Variants in THSD7B observed in about 807,000 individuals in gnomAD.
The protein encoded by THSD7B is thrombospondin type 1 domain containing 7B, also known as thrombospondin type-1 domain-containing protein 7B.
In THSD7B, 138 loss-of-function variants were observed where a neutral mutation model predicts 213.6. The observed-to-expected ratio is 0.65, with a 90% CI of 0.56 to 0.74. The LOEUF is 0.74. Ranked by LOEUF, THSD7B falls within the 30% of genes least tolerant of loss-of-function variation. The pLI is 0.00. For missense variants in THSD7B, 1,931 were observed against 1,991.5 expected (o/e 0.97, Z 0.58); for synonymous variants, 742 against 687.0 (o/e 1.08, Z -1.25).
intron 2 of THSD7B, among the ~76,000 whole-genome samples, chr2:136,955,949 C>T (rs1443103419): frequency 1.3e-5 from 2 of 151,228 alleles, no homozygotes; most frequent in Non-Finnish European, 2.9e-5. Flanking sequence ...TGAGCCACCA[C>T]GCCCGGGAGG....
chr2:137,485,483 T>G (rs535348204), intron 15 of THSD7B, among the ~76,000 whole-genome samples: 23 of 152,300 alleles, frequency 1.5e-4, no homozygotes, highest in Middle Eastern at 3.4e-3. Context: ...TCTTTTGACT[T>G]AGGATTGACT....
intron 2 of THSD7B, among the ~76,000 whole-genome samples, chr2:137,024,191 T>C (rs1300075286): frequency 2.6e-5 from 4 of 152,188 alleles, no homozygotes; most frequent in African/African-American, 7.2e-5. Flanking sequence ...GTAACATTCC[T>C]GGACGCGATC....
chr2:137,361,302 T>A (rs554388511), intron 12 of THSD7B, among the ~76,000 whole-genome samples: 152 of 152,308 alleles, frequency 1.0e-3, no homozygotes, highest in African/African-American at 3.2e-3. Context: ...CTGAAAGTTC[T>A]AAAAACCAGA....
intron 1 of THSD7B, among the ~76,000 whole-genome samples, chr2:136,805,609 C>T (rs958129730): frequency 4.6e-5 from 7 of 151,986 alleles, no homozygotes; most frequent in Admixed American, 2.0e-4. Flanking sequence ...TCATTTATCC[C>T]GCTGTGAGCT....
At chr2:136,953,542 C>T (rs796841376) in intron 2 of THSD7B, among the ~76,000 whole-genome samples, 59 of 151,984 alleles carry the variant, frequency 3.9e-4, no homozygotes, top group African/African-American at 1.2e-3. Context: ...GATTTATTTC[C>T]GATTATGCCA....
At chr2:137,386,825 T>A (rs1274092185) in intron 12 of THSD7B, among the ~76,000 whole-genome samples, 1 of 152,198 alleles carries the variant, frequency 6.6e-6, no homozygotes, top group African/African-American at 2.4e-5. Flanking sequence ...ATCTGCTGAT[T>A]TGAGACATCA....
At chr2:137,252,150 C>T (rs1487533064) in intron 10 of THSD7B, among the ~76,000 whole-genome samples, 1 of 151,144 alleles carries the variant, frequency 6.6e-6, no homozygotes, top group Non-Finnish European at 1.5e-5. Context: ...GCCTGTAATC[C>T]CAGCTACTCG....
chr2:137,218,630 C>G (rs1192466178), intron 7 of THSD7B, among the ~76,000 whole-genome samples: 3 of 152,154 alleles, frequency 2.0e-5, no homozygotes, highest in Middle Eastern at 3.4e-3. Context: ...AAGGAAATTA[C>G]AGTAGAAATC....
At chr2:137,095,791 G>T (rs1688029620) in intron 4 of THSD7B, among the ~76,000 whole-genome samples, 1 of 152,086 alleles carries the variant, frequency 6.6e-6, no homozygotes, top group Non-Finnish European at 1.5e-5. Context: ...CACCTCCTGG[G>T]CTCAAGAAAT....
chr2:137,131,371 C>T (rs1688728835), intron 5 of THSD7B, among the ~76,000 whole-genome samples: 1 of 152,074 alleles, frequency 6.6e-6, no homozygotes, highest in South Asian at 2.1e-4. Flanking sequence ...TGTGCAGAAG[C>T]TCTTTAGTTT....
chr2:136,863,780 T>C (rs80063503), intron 1 of THSD7B, among the ~76,000 whole-genome samples: 1 of 152,156 alleles, frequency 6.6e-6, no homozygotes, highest in Admixed American at 6.5e-5. Context: ...GCTTTCATTA[T>C]TGAGCTTCAA....
At chr2:137,382,861 C>T (rs889278727) in intron 12 of THSD7B, among the ~76,000 whole-genome samples, 1 of 152,142 alleles carries the variant, frequency 6.6e-6, no homozygotes, top group African/African-American at 2.4e-5. Flanking sequence ...CCCCCATTCC[C>T]AATGGGACAT....
chr2:137,457,010 G>T (rs777165754), intron 15 of THSD7B, among the ~76,000 whole-genome samples: 2 of 152,150 alleles, frequency 1.3e-5, no homozygotes, highest in African/African-American at 2.4e-5. Context: ...GCTGAATGGA[G>T]CTTAGAGGAG....
At chr2:137,341,961 T>A (rs1684771827) in intron 12 of THSD7B, among the ~76,000 whole-genome samples, 1 of 151,634 alleles carries the variant, frequency 6.6e-6, no homozygotes, top group South Asian at 2.1e-4. Context: ...TTGTATTGGC[T>A]ATTCAAGACT....
rs547960403 is a variant in THSD7B at position 136,859,022 on chromosome 2, C to T, written c.-35-23122C>T. Among the ~76,000 whole-genome samples, 51 of 152,260 alleles carry T rather than the reference C, an allele frequency of 3.3e-4. No homozygotes were observed. The Middle Eastern group carries it at 0.01, about 30-fold the overall frequency. ...TTGGGCTGACAGTTCCTGTTTCTTT[C>T]CCACGTGTGGGAAGGAATATGAGAT... On this transcript the variant is annotated intron_variant, in intron 1 of 27. Coordinates refer to ENST00000409968, the MANE Select transcript of THSD7B (RefSeq NM_001316349.2).
intron 2 of THSD7B, among the ~76,000 whole-genome samples, chr2:136,907,883 G>A (rs566028046): frequency 1.1e-4 from 17 of 152,314 alleles, no homozygotes; most frequent in South Asian, 2.1e-4. Context: ...GCAGTAGGAT[G>A]TTGCTTTCAG....
intron 12 of THSD7B, among the ~76,000 whole-genome samples, chr2:137,353,749 A>G (rs1451534538): frequency 1.3e-5 from 2 of 152,150 alleles, no homozygotes; most frequent in African/African-American, 2.4e-5. Flanking sequence ...TCTGCCAAGT[A>G]TAATAGAAGC....
In THSD7B at chr2:137,120,491, G is replaced by A. The variant is rs535937793; in HGVS notation, c.1369+5198G>A. ...AGGAGGAAGAGGAAGAAAGGAAGAGGGAGAATGGAGCAGAGAGAAGGGAGA... is the reference window on the plus strand; with the variant it reads ...AGGAGGAAGAGGAAGAAAGGAAGAGAGAGAATGGAGCAGAGAGAAGGGAGA... On this transcript the variant is annotated intron_variant, in intron 5 of 27. Transcript: ENST00000409968. 2.2e-4 allele frequency among the ~76,000 whole-genome samples: 34 copies of A among 151,842 alleles called. 1 individual carries two copies. In the South Asian group the frequency reaches 3.5e-3, roughly 16 times the overall value.
chr2:137,571,814 CTTTG>C (rs1423156954), intron 16 of THSD7B, among the ~76,000 whole-genome samples: 3 of 151,922 alleles, frequency 2.0e-5, no homozygotes, highest in Non-Finnish European at 4.4e-5. Flanking sequence ...GCTCATTGCC[CTTTG>C]TTTTTTTTTG....
Sources: allele counts gnomAD v4.1 joint callset (sites outside exome capture counted in the v4.1 genomes callset), GRCh38; gene constraint gnomAD v4.1.1; transcripts MANE v1.5; gene names NCBI Gene and HGNC (gene_info 2026-07-23, HGNC 2026-07-21).